The following DOCK10 variants were observed in gnomAD, a reference collection of about 807,000 sequenced individuals.
DOCK10 encodes the protein dedicator of cytokinesis 10, also known as dedicator of cytokinesis protein 10.
In DOCK10, 145 loss-of-function variants were observed where a neutral mutation model predicts 280.1. The ratio of observed to expected loss-of-function variants is 0.52; its 90% CI spans 0.45 to 0.59. The LOEUF is 0.59. Among genes scored for constraint, DOCK10 ranks in the 20% least tolerant of loss-of-function variants. The pLI, the probability that DOCK10 is intolerant of heterozygous loss-of-function variation, is 0.00. For missense variants in DOCK10, 2,368 were observed against 2,651.7 expected, an observed-to-expected ratio of 0.89 and a Z score of 2.35; for synonymous variants, 915 against 942.2, an observed-to-expected ratio of 0.97 and a Z score of 0.53.
At chr2:224,977,713 G>C (rs1386557699) in intron 1 of DOCK10, among the ~76,000 whole-genome samples, 3 of 152,078 alleles carry the variant, frequency 2.0e-5, no homozygotes, top group African/African-American at 4.8e-5. Context: ...CCATTGTAAT[G>C]GTCTCAGATG....
rs1341987141 is a variant in DOCK10 at position 224,877,386 on chromosome 2, G to C, written c.748-1165C>G. 1.4e-4 allele frequency among the ~76,000 whole-genome samples: 19 copies of C among 136,140 alleles called. No individual in the cohort carries two copies. In the Admixed American group the frequency reaches 1.5e-3, roughly 11 times the overall value. 89.3% of individuals were successfully genotyped at this position (136,140 alleles called of 152,430 possible). A position where few individuals can be genotyped will look rare whatever the true frequency, so the allele number is the denominator to read the frequency against. ...ACGGACACTTGAAGGATTCAATAGTGGTGGGTTCAAAACCAGTCATATTTT... is the reference window on the plus strand; with the variant it reads ...ACGGACACTTGAAGGATTCAATAGTCGTGGGTTCAAAACCAGTCATATTTT... On this transcript the variant is annotated intron_variant, in intron 7 of 55. Transcript: ENST00000258390.
At chr2:225,034,701 C>T (rs374694204) in intron 1 of DOCK10, among the ~76,000 whole-genome samples, 3 of 152,156 alleles carry the variant, frequency 2.0e-5, no homozygotes, top group African/African-American at 4.8e-5. Flanking sequence ...CAAGTTCTCG[C>T]TTTTCAATAG....
At chr2:224,839,920 A>G (rs1467262077) in intron 24 of DOCK10, 34 bp downstream of exon 24, 3 of 938,772 alleles carry the variant, frequency 3.2e-6, no homozygotes, top group Non-Finnish European at 4.9e-6. Context: ...TACACATTAT[A>G]AAGTCTCTCC....
At chr2:224,990,322 C>T (rs1048109529) in intron 1 of DOCK10, among the ~76,000 whole-genome samples, 1 of 152,190 alleles carries the variant, frequency 6.6e-6, no homozygotes, top group Non-Finnish European at 1.5e-5. Context: ...TAGTGCGGCA[C>T]TTAGGCATCA....
chr2:224,856,863 C>T lies in DOCK10; in HGVS notation c.1805G>A (p.Arg602Lys), dbSNP rs1697182659. 1 of 1,606,770 alleles carries T rather than the reference C, an allele frequency of 6.2e-7. No individual in the cohort carries two copies. The highest frequency in any genetic ancestry group is 1.3e-5 in the African/African-American group (1 of 74,732). ...CGAGAGTATAAAAAAAACATACCTT[C>T]TATAATCTGATACTAGTTTAACTAG... ...EDLVKLVSDYRRADRISKMQT... is the reference protein window; with the variant it reads ...EDLVKLVSDYKRADRISKMQT... Residue 602 changes from arginine (R) to lysine (K), a missense_variant, in exon 15 of 56, where the codon AGA (arginine) becomes AAA (lysine). By Grantham distance (26) the Arg-to-Lys change is conservative. Transcript: ENST00000258390.
chr2:224,968,080 T>C (rs572244487), intron 1 of DOCK10, among the ~76,000 whole-genome samples: 6 of 152,260 alleles, frequency 3.9e-5, no homozygotes, highest in East Asian at 1.9e-4. Flanking sequence ...CTTTTGAACA[T>C]AGAGTAAGAT....
chr2:224,869,958 G>A (rs1310247108), intron 11 of DOCK10, among the ~76,000 whole-genome samples: 1 of 152,076 alleles, frequency 6.6e-6, no homozygotes, highest in Admixed American at 6.5e-5. Context: ...TATTTAACAA[G>A]GTGACTAAGT....
intron 2 of DOCK10, among the ~76,000 whole-genome samples, chr2:224,917,145 G>A (rs530989085): frequency 1.8e-4 from 21 of 114,048 alleles, no homozygotes; most frequent in Admixed American, 1.2e-3. Flanking sequence ...TTGCTCTGTC[G>A]CCCAGGCTGG....
intron 1 of DOCK10, among the ~76,000 whole-genome samples, chr2:224,993,202 G>GTTTTTTTTTTTTTTTT (rs112976099): frequency 2.2e-5 from 3 of 136,224 alleles, no homozygotes; most frequent in African/African-American, 2.7e-5. Context: ...TTCTTTGGAA[G>GTTTTTTTTTTTTTTTT]TTTTTTTTTT....
intron 1 of DOCK10, among the ~76,000 whole-genome samples, chr2:224,950,460 C>G (rs4673127): frequency 6.6e-6 from 1 of 151,948 alleles, no homozygotes; most frequent in Non-Finnish European, 1.5e-5. Flanking sequence ...AAGCAATTGG[C>G]CCAAAGTCAG....
At chr2:225,004,326 T>A (rs1300033058) in intron 1 of DOCK10, among the ~76,000 whole-genome samples, 1 of 152,166 alleles carries the variant, frequency 6.6e-6, no homozygotes, top group African/African-American at 2.4e-5. Flanking sequence ...AGGCAGAGAC[T>A]GGAGTTGTGT....
chr2:224,813,998 T>C (rs562625316), intron 31 of DOCK10, among the ~76,000 whole-genome samples: 1 of 152,332 alleles, frequency 6.6e-6, no homozygotes, highest in South Asian at 2.1e-4. Flanking sequence ...ATACATCATA[T>C]AAAGTCAGTT....
At chr2:224,774,435 G>T (rs1353930872) in intron 52 of DOCK10, among the ~76,000 whole-genome samples, 2 of 152,214 alleles carry the variant, frequency 1.3e-5, no homozygotes, top group Admixed American at 6.5e-5. Flanking sequence ...GGAAATGAAA[G>T]GATGACTAGC....
chr2:224,985,054 A>G lies in DOCK10; in HGVS notation c.124-53386T>C, dbSNP rs1319350209. On this transcript the variant is annotated intron_variant, in intron 1 of 55. Transcript: ENST00000258390. The stretch of plus-strand genomic sequence containing the variant: ...TTTTAAGATTAGGTATAAACTCTTC[A>G]GCAGGTGTCTGCTATTTTTATTTGA... Among the ~76,000 whole-genome samples, 19 of 152,068 alleles carry G rather than the reference A, an allele frequency of 1.2e-4. 1 individual carries two copies. The highest frequency in any genetic ancestry group is 1.5e-5 in the Non-Finnish European group (1 of 68,000).
chr2:224,796,111 T>C (rs1358107093), intron 44 of DOCK10, among the ~76,000 whole-genome samples: 2 of 151,976 alleles, frequency 1.3e-5, no homozygotes, highest in Non-Finnish European at 2.9e-5. Context: ...CATGCTGGAG[T>C]GCAATGGTGC....
intron 1 of DOCK10, among the ~76,000 whole-genome samples, chr2:225,011,062 C>T (rs1689421521): frequency 6.6e-6 from 1 of 152,116 alleles, no homozygotes; most frequent in Admixed American, 6.5e-5. Context: ...AGTTTTCTGA[C>T]AAAGCAAAAG....
intron 19 of DOCK10, among the ~76,000 whole-genome samples, chr2:224,848,767 CAGGCATGTTATA>C (rs1388603396): frequency 6.6e-6 from 1 of 152,110 alleles, no homozygotes; most frequent in African/African-American, 2.4e-5. Context: ...CCCTTAAGTT[CAGGCATGTTATA>C]AGCCATGGAA....
chr2:224,934,539 C>A (rs572654099), intron 1 of DOCK10, among the ~76,000 whole-genome samples: 1 of 152,222 alleles, frequency 6.6e-6, no homozygotes, highest in Non-Finnish European at 1.5e-5. Context: ...CTTTACACAT[C>A]TGTGATGGCG....
At chr2:224,802,330 G>T (rs1693071139) in intron 39 of DOCK10, among the ~76,000 whole-genome samples, 1 of 152,164 alleles carries the variant, frequency 6.6e-6, no homozygotes, top group South Asian at 2.1e-4. Context: ...GAAATAATGG[G>T]ATTCTGTGAA....
Sources: allele counts gnomAD v4.1 joint callset (sites outside exome capture counted in the v4.1 genomes callset), GRCh38; gene constraint gnomAD v4.1.1; transcripts MANE v1.5; gene names NCBI Gene and HGNC (gene_info 2026-07-23, HGNC 2026-07-21).